The following TIGD7 variants were observed in gnomAD, a reference collection of about 807,000 sequenced individuals.
TIGD7 encodes the protein tigger transposable element derived 7.
TIGD7 carries 26 observed loss-of-function variants against 24.8 expected under a neutral mutation model. The ratio of observed to expected loss-of-function variants is 1.05; its 90% confidence interval spans 0.77 to 1.45. The LOEUF is 1.45. TIGD7 is among the 40% of genes most tolerant of loss of function. The pLI, the probability that TIGD7 is intolerant of heterozygous loss-of-function variation, is 0.00. For missense variants in TIGD7, 679 were observed against 641.6 expected, an observed-to-expected ratio of 1.06 and a Z score of -0.63; for synonymous variants, 221 against 224.1, an observed-to-expected ratio of 0.99 and a Z score of 0.12.
intron 1 of TIGD7, among the ~76,000 whole-genome samples, chr16:3,304,429 C>G (rs2150782791): frequency 6.6e-6 from 1 of 152,318 alleles, no homozygotes; most frequent in East Asian, 1.9e-4. Flanking sequence ...GTTCTCACAG[C>G]ATTCAGTTTA....
In TIGD7 at chr16:3,301,565, T is replaced by G. The variant is rs1432930582; in HGVS notation, c.-951A>C. ...AAACTGTTCTCTATTTGAGATATTA[T>G]CAAGTTTCAGAATCACAGCAATTCT... On this transcript the variant is annotated 5_prime_UTR_variant, in exon 2 of 2. Coordinates refer to ENST00000396862, the MANE Select transcript of TIGD7 (RefSeq NM_033208.4). 1 of 166,978 alleles carries G rather than the reference T, an allele frequency of 6.0e-6. No homozygotes were observed. The highest frequency in any genetic ancestry group is 2.4e-5 in the African/African-American group (1 of 41,486). The allele number at this position is 166,978 out of a possible 1,614,324, so 10.3% of individuals were successfully genotyped here.
In TIGD7 at chr16:3,299,935, A is replaced by T; in HGVS notation, c.680T>A (p.Ile227Asn). 2 of 1,612,774 alleles carry T rather than the reference A, an allele frequency of 1.2e-6. No individual in the cohort carries two copies. Among genetic ancestry groups the T allele is most frequent in the Non-Finnish European group, 1.7e-6 (2 of 1,179,572 alleles). ...NADGTHKLKS[I>N]IIGKSKLPKS... The stretch of plus-strand genomic sequence containing the variant: ...GGGCAGTTTTGATTTTCCAATAATG[A>T]TTGACTTTAATTTATGAGTTCCGTC... Residue 227 changes from isoleucine to asparagine, a missense_variant, in exon 2 of 2, where the codon ATC becomes AAC. Physicochemically the swap from Ile to Asn is moderately radical, Grantham distance 149 (BLOSUM62 -3). Transcript: ENST00000396862.
In TIGD7 at chr16:3,298,862, T is replaced by C. The variant is rs1053610342; in HGVS notation, c.*103A>G. 2.3e-5 allele frequency: 10 copies of C among 425,576 alleles called. No homozygotes were observed. The highest frequency in any genetic ancestry group is 1.6e-4 in the African/African-American group (8 of 48,990). 26.4% of individuals were successfully genotyped at this position (425,576 alleles called of 1,614,324 possible). On this transcript the variant is annotated 3_prime_UTR_variant, in exon 2 of 2. Coordinates refer to ENST00000396862, the MANE Select transcript of TIGD7 (RefSeq NM_033208.4). ...TTCAAACTGTAAATTTTATAACCAT[T>C]ATATAAATGGGCACTGATATACAAA...
intron 1 of TIGD7, among the ~76,000 whole-genome samples, chr16:3,303,532 G>A (rs1960000272): frequency 6.6e-6 from 1 of 152,206 alleles, no homozygotes; most frequent in African/African-American, 2.4e-5. Flanking sequence ...TACTGCTGAA[G>A]AAATGAAGTC....
rs1959843012 is a variant in TIGD7 at position 3,298,846 on chromosome 16, T to C, written c.*119A>G. ...ACACAAATGTATTATTTTCAAACTG[T>C]AAATTTTATAACCATTATATAAATG... On this transcript the variant is annotated 3_prime_UTR_variant, in exon 2 of 2. Coordinates refer to ENST00000396862, the MANE Select transcript of TIGD7 (RefSeq NM_033208.4). 2.4e-6 allele frequency: 1 copy of C among 412,278 alleles called. No homozygotes were observed. Among genetic ancestry groups the C allele is most frequent in the African/African-American group, 2.0e-5 (1 of 48,802 alleles). 25.5% of individuals were successfully genotyped at this position (412,278 alleles called of 1,614,324 possible). A position where few individuals can be genotyped will look rare whatever the true frequency, so the allele number is the denominator to read the frequency against.
At position 3,299,189 on chromosome 16, in the gene TIGD7, T is replaced by A; in HGVS notation, c.1426A>T (p.Lys476Ter). The stretch of plus-strand genomic sequence containing the variant: ...AAACTCTCTCTTACAGCAGATAATT[T>A]AAATTCAGCAGTCTGCTTCTCAGCT... Reference protein sequence around the residue: ...GEAEKQTAEFKLSAVRESLDY... With the variant: ...GEAEKQTAEF The change falls in exon 2 of 2, where the codon AAA (lysine) becomes TAA (stop). Residue 476 changes from lysine to a stop codon, truncating the protein, a stop_gained. Coordinates refer to ENST00000396862, the MANE Select transcript of TIGD7 (RefSeq NM_033208.4). LOFTEE classifies it high-confidence loss of function. 1.3e-6 allele frequency: 2 copies of A among 1,594,378 alleles called. No individual in the cohort carries two copies. Among genetic ancestry groups the A allele is most frequent in the South Asian group, 2.3e-5 (2 of 87,052 alleles).
In TIGD7 at chr16:3,299,497, A is replaced by C. The variant is rs1162226497; in HGVS notation, c.1118T>G (p.Ile373Ser). Residue 373 changes from isoleucine (I) to serine (S), a missense_variant, in exon 2 of 2, where the codon ATC becomes AGC. Ile to Ser is a moderately radical substitution (Grantham distance 142). Coordinates refer to ENST00000396862, the MANE Select transcript of TIGD7 (RefSeq NM_033208.4). The part of the protein sequence containing the change: ...KGDKGVSKIK[I>S]YNIKSAIFNW... ...AAAAATTGCACTTTTTATATTGTAGATTTTAATTTTGGAAACTCCTTTATC... is the reference window on the plus strand; with the variant it reads ...AAAAATTGCACTTTTTATATTGTAGCTTTTAATTTTGGAAACTCCTTTATC... 2.5e-5 allele frequency: 38 copies of C among 1,540,634 alleles called. No individual in the cohort carries two copies. Among genetic ancestry groups the C allele is most frequent in the Non-Finnish European group, 3.3e-5 (38 of 1,147,724 alleles).
chr16:3,300,645 G>T lies in TIGD7; in HGVS notation c.-31C>A. ...ATTTAACTCTGAACCACCAACAGGAGAAAACAAAGGGAAAAGCCTTAATGA... is the reference window on the plus strand; with the variant it reads ...ATTTAACTCTGAACCACCAACAGGATAAAACAAAGGGAAAAGCCTTAATGA... On this transcript the variant is annotated 5_prime_UTR_variant, in exon 2 of 2. Transcript: ENST00000396862. The T allele has an allele frequency of 6.7e-7, 1 of 1,502,440 alleles. No individual in the cohort carries two copies. Among genetic ancestry groups the T allele is most frequent in the South Asian group, 1.4e-5 (1 of 70,400 alleles). 93.1% of individuals were successfully genotyped at this position (1,502,440 alleles called of 1,614,324 possible).
intron 1 of TIGD7, chr16:3,303,687 T>A (rs1960008007): frequency 1.3e-5 from 2 of 152,254 alleles, no homozygotes; most frequent in East Asian, 1.9e-4. Flanking sequence ...TTACATACCA[T>A]CCCATCCAAA....
Position 3,299,024 on chromosome 16 carries a change from T to A in TIGD7, c.1591A>T (p.Arg531Trp). ...HSRIGSFLKP[R>W]PHNIKDSFSG... ...AAGGAGTCCTTAATATTATGAGGCC[T>A]AGGTTTCAAAAAGCTACCAATTCTA... The change falls in exon 2 of 2, where the codon AGG becomes TGG. Residue 531 changes from arginine to tryptophan, a missense_variant. Transcript: ENST00000396862. 1 of 1,379,398 alleles carries A rather than the reference T, an allele frequency of 7.2e-7. No homozygotes were observed. The highest frequency in any genetic ancestry group is 9.4e-7 in the Non-Finnish European group (1 of 1,060,046). 85.4% of individuals were successfully genotyped at this position (1,379,398 alleles called of 1,614,324 possible).
chr16:3,303,490 C>T (rs1490913294), intron 1 of TIGD7, among the ~76,000 whole-genome samples: 1 of 152,230 alleles, frequency 6.6e-6, no homozygotes, highest in Non-Finnish European at 1.5e-5. Flanking sequence ...GATGGCGCTA[C>T]TGTCCACTGG....
chr16:3,298,996 C>G lies in TIGD7; in HGVS notation c.1619G>C (p.Ser540Thr). ...ATTAGAACCAGAAGTTGAAGGCCCACTGAAGGAGTCCTTAATATTATGAGG... is the reference window on the plus strand; with the variant it reads ...ATTAGAACCAGAAGTTGAAGGCCCAGTGAAGGAGTCCTTAATATTATGAGG... ...PRPHNIKDSF[S>T]GPSTSGSNH The change falls in exon 2 of 2, where the codon AGT becomes ACT. Residue 540 changes from serine (S) to threonine (T), a missense_variant. Physicochemically the swap from Ser to Thr is moderately conservative, Grantham distance 58. Transcript: ENST00000396862. 7.6e-7 allele frequency: 1 copy of G among 1,322,206 alleles called. No homozygotes were observed. Among genetic ancestry groups the G allele is most frequent in the Non-Finnish European group, 9.8e-7 (1 of 1,023,368 alleles). The allele number at this position is 1,322,206 out of a possible 1,614,324, so 81.9% of individuals were successfully genotyped here.
In TIGD7 at chr16:3,300,347, G is replaced by T. The variant is rs923842010; in HGVS notation, c.268C>A (p.Gln90Lys). 1.9e-6 allele frequency: 3 copies of T among 1,614,106 alleles called. No individual in the cohort carries two copies. Among genetic ancestry groups the T allele is most frequent in the African/African-American group, 1.3e-5 (1 of 74,930 alleles). ...VDDAVYMWYQ[Q>K]KRSAGVPVRG... ...ACCGGAACACCGGCTGAGCGTTTCT[G>T]TTGGTACCACATGTAGACCGCATCA... The change falls in exon 2 of 2, where the codon CAG becomes AAG. Residue 90 changes from glutamine to lysine, a missense_variant. Transcript: ENST00000396862.
intron 1 of TIGD7, chr16:3,304,676 C>G (rs1001713284): frequency 3.9e-5 from 6 of 152,208 alleles, no homozygotes; most frequent in African/African-American, 1.4e-4. Flanking sequence ...ATTACAAAAA[C>G]GGATTAATTC....
rs777290967 is a variant in TIGD7 at position 3,298,877 on chromosome 16, T to C, written c.*88A>G. The C allele has an allele frequency of 3.7e-5, 17 of 463,402 alleles. No individual in the cohort carries two copies. The highest frequency in any genetic ancestry group is 6.0e-5 in the Non-Finnish European group (16 of 268,152). 28.7% of individuals were successfully genotyped at this position (463,402 alleles called of 1,614,324 possible). On this transcript the variant is annotated 3_prime_UTR_variant, in exon 2 of 2. Coordinates refer to ENST00000396862, the MANE Select transcript of TIGD7 (RefSeq NM_033208.4). ...TTATAACCATTATATAAATGGGCAC[T>C]GATATACAAAATAATGTCAGTTGCT...
rs1327051661 is a variant in TIGD7, at chr16:3,300,873, AT to A, written c.-260del. 1.6e-5 allele frequency: 6 copies of A among 378,824 alleles called. No individual in the cohort carries two copies. Among genetic ancestry groups the A allele is most frequent in the Middle Eastern group, 7.6e-4 (1 of 1,316 alleles). 23.5% of individuals were successfully genotyped at this position (378,824 alleles called of 1,614,324 possible). A position where few individuals can be genotyped will look rare whatever the true frequency, so the allele number is the denominator to read the frequency against. ...TTGCTCCTGCAAGCCATGAGTGATC[AT>A]TTTTCAGAATGCCCCCTACCTCTCC... On this transcript the variant is annotated 5_prime_UTR_variant, in exon 2 of 2. The change creates a new upstream start codon in the 5' untranslated region. Coordinates refer to ENST00000396862, the MANE Select transcript of TIGD7 (RefSeq NM_033208.4).
chr16:3,303,822 C>T (rs1960015972), intron 1 of TIGD7: 1 of 152,216 alleles, frequency 6.6e-6, no homozygotes, highest in Admixed American at 6.5e-5. Flanking sequence ...CCAGGATTTA[C>T]TTTTTTGTAT....
chr16:3,304,715 G>A (rs1387556052), intron 1 of TIGD7: 2 of 152,168 alleles, frequency 1.3e-5, no homozygotes, highest in Non-Finnish European at 2.9e-5. Flanking sequence ...AAAACACTCA[G>A]ATTCTTATAA....
rs1258752894 is a variant in TIGD7, at chr16:3,299,622, A to T, written c.993T>A (p.Asn331Lys). ...HNTSTLIQPMNQGVILSCKRL... is the reference protein window; with the variant it reads ...HNTSTLIQPMKQGVILSCKRL... ...GTTTGCAGCTCAAGATCACACCTTG[A>T]TTCATTGGTTGAATCAAGGTTGAAG... The change falls in exon 2 of 2, where the codon AAT becomes AAA. Residue 331 changes from asparagine to lysine, a missense_variant. Physicochemically the swap from Asn to Lys is moderately conservative, Grantham distance 94 (BLOSUM62 0). Transcript: ENST00000396862. The T allele has an allele frequency of 1.9e-6, 3 of 1,564,800 alleles. No homozygotes were observed. In the Admixed American group the frequency reaches 6.4e-5, roughly 33 times the overall value.
Sources: gnomAD v4.1 joint callset for allele counts (sites outside exome capture counted in the v4.1 genomes callset) on GRCh38, gnomAD v4.1.1 for gene constraint, MANE v1.5 for transcripts, NCBI Gene and HGNC (gene_info 2026-07-23, HGNC 2026-07-21) for gene names.